Variants in LTBP1 observed in about 807,000 individuals in gnomAD.
The protein encoded by LTBP1 is latent transforming growth factor beta binding protein 1.
A neutral mutation model predicts 207.6 loss-of-function variants in LTBP1; 129 were observed. The ratio of observed to expected loss-of-function variants is 0.62; its 90% CI spans 0.54 to 0.72. The LOEUF (loss-of-function observed/expected upper bound fraction) is 0.72, where lower values mean the gene tolerates loss of function less well. Among genes scored for constraint, LTBP1 ranks in the 30% least tolerant of loss-of-function variants. The probability of loss-of-function intolerance (pLI) is 0.00; values close to 1 mark genes in which losing one functional copy is unlikely to be tolerated. For missense variants in LTBP1, 2,281 were observed against 2,217.2 expected, an observed-to-expected ratio of 1.03 and a Z score of -0.58; for synonymous variants, 963 against 833.7, an observed-to-expected ratio of 1.16 and a Z score of -2.67.
intron 10 of LTBP1, among the ~76,000 whole-genome samples, chr2:33,245,320 C>G (rs940315392): frequency 1.3e-5 from 2 of 152,162 alleles, no homozygotes; most frequent in East Asian, 1.9e-4. Context: ...TCTCTTAACT[C>G]TTTGCCCTAA....
chr2:32,963,180 T>C lies in LTBP1; in HGVS notation c.565+14235T>C, dbSNP rs528148213. On this transcript the variant is annotated intron_variant, in intron 2 of 33. Coordinates refer to ENST00000404816, the MANE Select transcript of LTBP1 (RefSeq NM_206943.4). ...ATGGGAACCTTGCAATCGGATAAGATGTAGCTGTGTATGTTGTTACTGTTA... is the reference window on the plus strand; with the variant it reads ...ATGGGAACCTTGCAATCGGATAAGACGTAGCTGTGTATGTTGTTACTGTTA... Among the ~76,000 whole-genome samples, 5 of 152,312 alleles carry C rather than the reference T, an allele frequency of 3.3e-5. No individual in the cohort carries two copies. The South Asian group carries it at 8.3e-4, about 25-fold the overall frequency.
At chr2:33,080,594 A>G (rs763956453) in intron 3 of LTBP1, among the ~76,000 whole-genome samples, 12 of 152,224 alleles carry the variant, frequency 7.9e-5, no homozygotes, top group African/African-American at 1.4e-4. Flanking sequence ...AGACTGTTCT[A>G]TTTCAAATAA....
intron 2 of LTBP1, among the ~76,000 whole-genome samples, chr2:32,998,889 A>G (rs1331437889): frequency 2.0e-5 from 3 of 152,228 alleles, no homozygotes; most frequent in African/African-American, 7.2e-5. Context: ...AATTTCTGTT[A>G]TTAGCCACTC....
chr2:33,382,526 C>T (rs1332201119), intron 31 of LTBP1, among the ~76,000 whole-genome samples: 1 of 152,178 alleles, frequency 6.6e-6, no homozygotes, highest in Non-Finnish European at 1.5e-5. Context: ...CCCAGCTCTT[C>T]CAGGATGACT....
chr2:33,345,717 C>T (rs1179159894), intron 25 of LTBP1, among the ~76,000 whole-genome samples: 1 of 151,602 alleles, frequency 6.6e-6, no homozygotes, highest in Non-Finnish European at 1.5e-5. Flanking sequence ...GCTTTTTGTC[C>T]AATTAACTGG....
intron 7 of LTBP1, among the ~76,000 whole-genome samples, chr2:33,210,603 T>C (rs949769614): frequency 2.6e-5 from 4 of 152,236 alleles, no homozygotes; most frequent in Admixed American, 1.3e-4. Flanking sequence ...TTCCCCTGTT[T>C]CCTGGTTGAT....
chr2:33,037,211 T>C (rs2075968025), intron 3 of LTBP1, among the ~76,000 whole-genome samples: 1 of 152,232 alleles, frequency 6.6e-6, no homozygotes, highest in Non-Finnish European at 1.5e-5. Context: ...TCATATATGT[T>C]TCATTCAAGT....
intron 2 of LTBP1, among the ~76,000 whole-genome samples, chr2:33,002,780 C>T (rs1471098663): frequency 3.9e-5 from 6 of 151,980 alleles, no homozygotes; most frequent in African/African-American, 7.3e-5. Flanking sequence ...CTGGTTCAAA[C>T]GATTCTCATG....
At chr2:33,247,992 A>G (rs2092564625) in intron 10 of LTBP1, among the ~76,000 whole-genome samples, 1 of 152,172 alleles carries the variant, frequency 6.6e-6, no homozygotes, top group African/African-American at 2.4e-5. Flanking sequence ...ACTCTTTTGT[A>G]TCTTTTGGTT....
intron 3 of LTBP1, among the ~76,000 whole-genome samples, chr2:33,062,420 GT>G (rs1209262226): frequency 3.9e-5 from 6 of 152,168 alleles, no homozygotes; most frequent in Admixed American, 6.5e-5. Flanking sequence ...GAGCTTTGTT[GT>G]TTTAGCTTCT....
At chr2:33,118,254 C>G (rs1008673369) in intron 4 of LTBP1, among the ~76,000 whole-genome samples, 1 of 151,618 alleles carries the variant, frequency 6.6e-6, no homozygotes, top group African/African-American at 2.4e-5. Flanking sequence ...TTACACCAAC[C>G]CAGTGGGTAC....
chr2:33,365,380 C>G lies in LTBP1; in HGVS notation c.4588C>G (p.Leu1530Val). 1 of 1,614,160 alleles carries G rather than the reference C, an allele frequency of 6.2e-7. No homozygotes were observed. Among genetic ancestry groups the G allele is most frequent in the Non-Finnish European group, 8.5e-7 (1 of 1,180,022 alleles). The change falls in exon 31 of 34, where the codon CTG (leucine) becomes GTG (valine). Residue 1530 changes from leucine (L) to valine (V), a missense_variant. This residue lies in a region of LTBP1 where 1,671 missense variants were observed against 1,634.8 expected (regional missense o/e 1.02). Transcript: ENST00000404816. ...DVYQDLCWEH[L>V]SDEYVCSRPL... is the part of the protein sequence containing the mutation. ...CTACCAAGATTTGTGCTGGGAACATCTGAGTGATGAATACGTGTGTAGCCG... is the reference window on the plus strand; with the variant it reads ...CTACCAAGATTTGTGCTGGGAACATGTGAGTGATGAATACGTGTGTAGCCG...
At chr2:33,371,065 A>C (rs72861438) in intron 31 of LTBP1, among the ~76,000 whole-genome samples, 3,160 of 152,268 alleles carry the variant, frequency 0.021, 104 homozygotes, top group African/African-American at 0.072. Context: ...TATTGGTACC[A>C]CATGCAGGGG....
intron 24 of LTBP1, among the ~76,000 whole-genome samples, chr2:33,335,528 C>A (rs2094545036): frequency 6.6e-6 from 1 of 152,192 alleles, no homozygotes; most frequent in Admixed American, 6.5e-5. Context: ...CTTTCCATAT[C>A]CTATTGTATT....
Position 33,172,707 on chromosome 2 carries a change from T to A in LTBP1, c.1202-14149T>A, listed in dbSNP as rs1233252440. 1.4e-4 allele frequency among the ~76,000 whole-genome samples: 22 copies of A among 152,312 alleles called. No homozygotes were observed. The South Asian group carries it at 2.3e-3, about 16-fold the overall frequency. On this transcript the variant is annotated intron_variant, in intron 5 of 33. Transcript: ENST00000404816. Reference sequence around the variant, plus strand: ...CCAAATCAACAGAGTATACATCTTTTTCAGCACTGCACAACACCTATTCCA... The same window carrying A: ...CCAAATCAACAGAGTATACATCTTTATCAGCACTGCACAACACCTATTCCA...
At chr2:33,296,127 G>A (rs187351957) in intron 20 of LTBP1, among the ~76,000 whole-genome samples, 58 of 152,282 alleles carry the variant, frequency 3.8e-4, no homozygotes, top group Non-Finnish European at 7.5e-4. Context: ...GATCAATGGT[G>A]GATGAGGATC....
At chr2:33,088,476 G>A (rs2078886503) in intron 3 of LTBP1, among the ~76,000 whole-genome samples, 1 of 152,058 alleles carries the variant, frequency 6.6e-6, no homozygotes, top group South Asian at 2.1e-4. Context: ...AAAAGGACCA[G>A]TGTGTTCTTG....
chr2:33,023,822 C>T (rs2075289867), intron 3 of LTBP1, among the ~76,000 whole-genome samples: 1 of 152,164 alleles, frequency 6.6e-6, no homozygotes, highest in Non-Finnish European at 1.5e-5. Context: ...CACAGTGAGT[C>T]ATGTTTAATC....
intron 31 of LTBP1, 138 bp from the exon 32 acceptor site, chr2:33,389,046 C>T (rs1310313898): frequency 1.1e-5 from 13 of 1,199,058 alleles, no homozygotes; most frequent in African/African-American, 1.5e-5. Flanking sequence ...AGACACTTTC[C>T]AGGCTCAGTG....
Sources: allele counts gnomAD v4.1 joint callset (sites outside exome capture counted in the v4.1 genomes callset), GRCh38; gene constraint gnomAD v4.1.1; regional missense constraint gnomAD v4.1.1; transcripts MANE v1.5; gene names NCBI Gene and HGNC (gene_info 2026-07-23, HGNC 2026-07-21).